The following RAB31 variants were observed in gnomAD, a reference collection of about 807,000 sequenced individuals.
RAB31 encodes the protein RAB31, member RAS oncogene family.
Under a neutral mutation model 25.6 loss-of-function variants are expected in RAB31, and 21 were observed. The ratio of observed to expected loss-of-function variants is 0.82; its 90% CI spans 0.58 to 1.18. The LOEUF is 1.18. RAB31 is among the 50% of genes most tolerant of loss of function. The probability of loss-of-function intolerance (pLI) is 0.00; values close to 1 mark genes in which losing one functional copy is unlikely to be tolerated. For missense variants in RAB31, 196 were observed against 250.1 expected, an observed-to-expected ratio of 0.78 and a Z score of 1.46; for synonymous variants, 87 against 84.0, an observed-to-expected ratio of 1.04 and a Z score of -0.20.
chr18:9,820,773 T>G (rs995114265), intron 5 of RAB31, among the ~76,000 whole-genome samples: 2 of 152,108 alleles, frequency 1.3e-5, no homozygotes, highest in Admixed American at 6.5e-5. Context: ...TTTAGAAATT[T>G]GAAACTTCTC....
At chr18:9,807,216 G>A (rs1373334890) in intron 3 of RAB31, among the ~76,000 whole-genome samples, 2 of 152,236 alleles carry the variant, frequency 1.3e-5, no homozygotes, top group African/African-American at 4.8e-5. Flanking sequence ...GTTTTTGAGT[G>A]CATCTGGTGT....
chr18:9,803,940 C>T (rs1291663938), intron 3 of RAB31, among the ~76,000 whole-genome samples: 4 of 152,146 alleles, frequency 2.6e-5, no homozygotes, highest in South Asian at 4.1e-4. Flanking sequence ...AGAATGCCAG[C>T]GACAGGAGAG....
intron 5 of RAB31, among the ~76,000 whole-genome samples, chr18:9,821,221 A>G (rs1414436787): frequency 1.3e-5 from 2 of 152,008 alleles, no homozygotes; most frequent in Non-Finnish European, 2.9e-5. Flanking sequence ...GATTTTAATT[A>G]TTTTACATTT....
intron 1 of RAB31, among the ~76,000 whole-genome samples, chr18:9,717,404 A>T (rs926205760): frequency 1.3e-5 from 2 of 151,992 alleles, no homozygotes; most frequent in Admixed American, 1.3e-4. Context: ...TGCCTAGGAG[A>T]CTCGAGTTAT....
intron 5 of RAB31, among the ~76,000 whole-genome samples, chr18:9,832,992 G>A (rs1379113854): frequency 6.6e-6 from 1 of 152,052 alleles, no homozygotes; most frequent in Non-Finnish European, 1.5e-5. Context: ...GGTCTCACGG[G>A]AGTCCACGGA....
At chr18:9,726,850 C>T (rs1276835618) in intron 1 of RAB31, among the ~76,000 whole-genome samples, 1 of 152,122 alleles carries the variant, frequency 6.6e-6, no homozygotes, top group East Asian at 1.9e-4. Flanking sequence ...CCTATGTAAA[C>T]ACCTGGGTCA....
chr18:9,818,233 C>T (rs1339294186), intron 5 of RAB31, among the ~76,000 whole-genome samples: 2 of 152,174 alleles, frequency 1.3e-5, no homozygotes, highest in African/African-American at 2.4e-5. Flanking sequence ...AATTACAAAA[C>T]ATCACGGTCA....
chr18:9,746,276 A>C (rs1240330217), intron 1 of RAB31, among the ~76,000 whole-genome samples: 12 of 152,222 alleles, frequency 7.9e-5, no homozygotes, highest in Admixed American at 7.9e-4. Context: ...AAGAAGACAT[A>C]AGTAAATTGA....
chr18:9,857,552 A>G (rs1480441976), intron 6 of RAB31, among the ~76,000 whole-genome samples: 1 of 152,082 alleles, frequency 6.6e-6, no homozygotes, highest in Non-Finnish European at 1.5e-5. Context: ...ACAACCAAAA[A>G]AAAAAAAGAC....
Position 9,859,451 on chromosome 18 carries a change from C to G in RAB31, c.*126C>G. ...AGAGTGAGCACACTGGCTTTGCATC[C>G]TGGAAGACCTGCAGGGGGCGGGGCA... On this transcript the variant is annotated 3_prime_UTR_variant, in exon 7 of 7. Coordinates refer to ENST00000578921, the MANE Select transcript of RAB31 (RefSeq NM_006868.4). 1.3e-6 allele frequency: 1 copy of G among 745,346 alleles called. No individual in the cohort carries two copies. The highest frequency in any genetic ancestry group is 2.1e-6 in the Non-Finnish European group (1 of 469,314). The allele number at this position is 745,346 out of a possible 1,614,324, so 46.2% of individuals were successfully genotyped here.
intron 3 of RAB31, among the ~76,000 whole-genome samples, chr18:9,798,941 AGCTGGGC>A (rs1171018050): frequency 6.6e-6 from 1 of 152,206 alleles, no homozygotes; most frequent in Admixed American, 6.5e-5. Context: ...TAGAAAAAGT[AGCTGGGC>A]GTGGTGGCAC....
chr18:9,745,287 T>G (rs1158903896), intron 1 of RAB31, among the ~76,000 whole-genome samples: 1 of 152,046 alleles, frequency 6.6e-6, no homozygotes, highest in Non-Finnish European at 1.5e-5. Context: ...TTAAAACAAG[T>G]AAGGAGAATC....
At chr18:9,728,696 C>A (rs2068107018) in intron 1 of RAB31, among the ~76,000 whole-genome samples, 1 of 152,044 alleles carries the variant, frequency 6.6e-6, no homozygotes, top group Admixed American at 6.6e-5. Flanking sequence ...TGCCACCACA[C>A]CTGGCTAATT....
At chr18:9,832,892 G>A (rs529897444) in intron 5 of RAB31, among the ~76,000 whole-genome samples, 5 of 152,174 alleles carry the variant, frequency 3.3e-5, no homozygotes, top group Non-Finnish European at 5.9e-5. Context: ...GCCTCCCTGC[G>A]GGGCACGAGG....
At chr18:9,857,425 G>A (rs76192410) in intron 6 of RAB31, among the ~76,000 whole-genome samples, 1,536 of 152,042 alleles carry the variant, frequency 0.01, 29 homozygotes, top group African/African-American at 0.035. Flanking sequence ...TCAGTATTCC[G>A]TGCTATCAGT....
chr18:9,711,527 C>T (rs1223954637), intron 1 of RAB31, among the ~76,000 whole-genome samples: 1 of 152,216 alleles, frequency 6.6e-6, no homozygotes, highest in Non-Finnish European at 1.5e-5. Flanking sequence ...TGTGTACCAC[C>T]CAGCCCAGCT....
intron 5 of RAB31, among the ~76,000 whole-genome samples, chr18:9,819,969 G>A (rs912357250): frequency 1.3e-5 from 2 of 151,860 alleles, no homozygotes; most frequent in African/African-American, 4.8e-5. Flanking sequence ...AAATTATCTG[G>A]AGTTTTCTAT....
chr18:9,783,334 C>T (rs2068414946), intron 2 of RAB31, among the ~76,000 whole-genome samples: 1 of 152,194 alleles, frequency 6.6e-6, no homozygotes, highest in Non-Finnish European at 1.5e-5. Context: ...CTGCACTCTT[C>T]TTTCACCAGG....
chr18:9,747,711 A>G (rs1200312047), intron 1 of RAB31, among the ~76,000 whole-genome samples: 2 of 152,172 alleles, frequency 1.3e-5, no homozygotes, highest in Non-Finnish European at 2.9e-5. Context: ...AGAAGGGGCA[A>G]TGGGGAATAA....
Sources: gnomAD v4.1 joint callset for allele counts (sites outside exome capture counted in the v4.1 genomes callset) on GRCh38, gnomAD v4.1.1 for gene constraint, MANE v1.5 for transcripts, NCBI Gene and HGNC (gene_info 2026-07-23, HGNC 2026-07-21) for gene names.